LIMCH1: variants seen among roughly 807,000 people sequenced by gnomAD.
The protein encoded by LIMCH1 is LIM and calponin homology domains 1, also known as LIM and calponin homology domains-containing protein 1.
LIMCH1 carries 113 observed loss-of-function variants against 176.5 expected under a neutral mutation model. That is an observed-to-expected ratio of 0.64 (90% CI 0.55 to 0.75). LIMCH1 has a LOEUF of 0.75. Among genes scored for constraint, LIMCH1 ranks in the 30% least tolerant of loss-of-function variants. LIMCH1 has a pLI of 0.00. For missense variants in LIMCH1, 1,674 were observed against 1,814.9 expected (o/e 0.92, Z 1.41); for synonymous variants, 619 against 645.9 (o/e 0.96, Z 0.63).
At chr4:41,472,034 A>T (rs1184483692) in intron 1 of LIMCH1, among the ~76,000 whole-genome samples, 1 of 152,136 alleles carries the variant, frequency 6.6e-6, no homozygotes. Context: ...TAATTCCTTT[A>T]TGGTTTAAAA....
Position 41,598,665 on chromosome 4 carries a change from G to C in LIMCH1, c.-240-255G>C, listed in dbSNP as rs1033793007. The stretch of plus-strand genomic sequence containing the variant: ...CAATGCTAAGTTTTCCTTTTTAATG[G>C]CATTTTACTTGCAGTTTTATACAAA... On this transcript the variant is annotated intron_variant, in intron 1 of 31. Coordinates refer to ENST00000503057, the MANE Select transcript of LIMCH1 (RefSeq NM_001330672.2). 3.9e-5 allele frequency among the ~76,000 whole-genome samples: 6 copies of C among 152,232 alleles called. No homozygotes were observed. The South Asian group carries it at 1.2e-3, about 32-fold the overall frequency.
At chr4:41,684,774 C>T (rs543631845) in intron 27 of LIMCH1, among the ~76,000 whole-genome samples, 1 of 152,148 alleles carries the variant, frequency 6.6e-6, no homozygotes, top group Non-Finnish European at 1.5e-5. Flanking sequence ...AAACCTTTGA[C>T]CTTCATAAGT....
At chr4:41,604,742 C>T (rs1040035916) in intron 3 of LIMCH1, among the ~76,000 whole-genome samples, 4 of 152,052 alleles carry the variant, frequency 2.6e-5, no homozygotes, top group Admixed American at 6.6e-5. Context: ...AATGTCCTGA[C>T]GTTTGAATCT....
At chr4:41,514,005 T>TAAAAAAAAAAAAAAAAAAAAA (rs71198665) in intron 2 of LIMCH1, among the ~76,000 whole-genome samples, 1 of 48,526 alleles carries the variant, frequency 2.1e-5, no homozygotes, top group Non-Finnish European at 3.9e-5. Context: ...GACTCCGTCT[T>TAAAAAAAAAAAAAAAAAAAAA]AAAAAAAAAA....
chr4:41,457,191 A>G (rs941946645), intron 1 of LIMCH1, among the ~76,000 whole-genome samples: 1 of 152,214 alleles, frequency 6.6e-6, no homozygotes, highest in African/African-American at 2.4e-5. Flanking sequence ...TCTGAAATAT[A>G]TACCTTAATT....
intron 1 of LIMCH1, among the ~76,000 whole-genome samples, chr4:41,416,456 A>G (rs979827249): frequency 1.4e-4 from 22 of 151,974 alleles, no homozygotes; most frequent in Non-Finnish European, 1.5e-5. Context: ...ATTTGAGACC[A>G]GCCTGGCCAA....
At chr4:41,629,295 C>T (rs1456572097) in intron 8 of LIMCH1, among the ~76,000 whole-genome samples, 197 bp from the exon 9 acceptor site, 1 of 152,160 alleles carries the variant, frequency 6.6e-6, no homozygotes, top group Admixed American at 6.5e-5. Flanking sequence ...CTGTCTCATT[C>T]AGAGTTGTAA....
intron 1 of LIMCH1, among the ~76,000 whole-genome samples, chr4:41,581,078 C>T (rs1165304657): frequency 7.4e-6 from 1 of 135,298 alleles, no homozygotes; most frequent in African/African-American, 3.8e-5. Context: ...AGAAGGAAAA[C>T]TGTCTGTCTG....
chr4:41,652,140 G>A (rs907964743), intron 18 of LIMCH1, among the ~76,000 whole-genome samples: 6 of 152,162 alleles, frequency 3.9e-5, no homozygotes, highest in African/African-American at 9.7e-5. Flanking sequence ...AACTTCTTCC[G>A]GCACCAAGGG....
At chr4:41,390,313 C>T (rs888997525) in intron 1 of LIMCH1, among the ~76,000 whole-genome samples, 3 of 151,914 alleles carry the variant, frequency 2.0e-5, no homozygotes, top group Admixed American at 6.6e-5. Context: ...CTCTGCCTCC[C>T]TGGAATTCCG....
chr4:41,661,080 G>A (rs1268582218), intron 18 of LIMCH1, among the ~76,000 whole-genome samples: 1 of 146,460 alleles, frequency 6.8e-6, no homozygotes, highest in African/African-American at 2.6e-5. Context: ...AGACTTCACT[G>A]GTGTTATGAC....
intron 1 of LIMCH1, among the ~76,000 whole-genome samples, chr4:41,590,505 T>C (rs1330364638): frequency 1.3e-5 from 2 of 152,166 alleles, no homozygotes; most frequent in African/African-American, 4.8e-5. Flanking sequence ...TCTCATGAGC[T>C]GGTCTGGCTT....
chr4:41,620,436 G>C lies in LIMCH1; in HGVS notation c.471G>C (p.Thr157=). 1 of 1,535,906 alleles carries C rather than the reference G, an allele frequency of 6.5e-7. No individual in the cohort carries two copies. The change falls in exon 7 of 32, where the codon ACG becomes ACC. Residue 157 remains threonine, a synonymous_variant. Transcript: ENST00000503057. ...GGERPFSFPE[T]IEEEGSEVGS... ...TCCAACTCACTAGCTTTCCTGAAAC[G>C]ATAGAGGAAGAGGGGAGTGAAGTGG...
chr4:41,423,874 G>A (rs2060842207), intron 1 of LIMCH1, among the ~76,000 whole-genome samples: 1 of 152,044 alleles, frequency 6.6e-6, no homozygotes, highest in Admixed American at 6.5e-5. Context: ...GAAGGGAAAG[G>A]TGGGTTGGGG....
At position 41,460,478 on chromosome 4, in the gene LIMCH1, A is replaced by ATATC. The variant is rs1410622782; in HGVS notation, c.97-34057_97-34056insATCT. 2.1e-5 allele frequency among the ~76,000 whole-genome samples: 3 copies of ATATC among 145,080 alleles called. 1 individual carries two copies. Among genetic ancestry groups the ATATC allele is most frequent in the African/African-American group, 7.7e-5 (3 of 38,804 alleles). ...ATCATCTATATATATATATATATATATCTTATAATATCATGTTATAGATCT... is the reference window on the plus strand; with the variant it reads ...ATCATCTATATATATATATATATATATATCTCTTATAATATCATGTTATAGATCT... On this transcript the variant is annotated intron_variant, in intron 1 of 26. Coordinates refer to the LIMCH1 transcript ENST00000313860.
chr4:41,411,825 G>A (rs1435917636), intron 1 of LIMCH1, among the ~76,000 whole-genome samples: 1 of 151,836 alleles, frequency 6.6e-6, no homozygotes. Flanking sequence ...CGGCGTGGTG[G>A]CAGGTGCCTG....
At chr4:41,641,831 G>A (rs1377491897) in intron 14 of LIMCH1, among the ~76,000 whole-genome samples, 1 of 152,196 alleles carries the variant, frequency 6.6e-6, no homozygotes, top group Admixed American at 6.5e-5. Flanking sequence ...TTGGATTAGG[G>A]ATGTTCAACC....
At chr4:41,441,613 T>C (rs2062711825) in intron 1 of LIMCH1, among the ~76,000 whole-genome samples, 1 of 152,232 alleles carries the variant, frequency 6.6e-6, no homozygotes, top group South Asian at 2.1e-4. Context: ...ACAGGATCTT[T>C]CACAGATATT....
At chr4:41,428,288 T>C (rs1300151185) in intron 1 of LIMCH1, among the ~76,000 whole-genome samples, 1 of 152,214 alleles carries the variant, frequency 6.6e-6, no homozygotes, top group Non-Finnish European at 1.5e-5. Context: ...TTAACCTCAC[T>C]GTCCCTCATC....
Sources: gnomAD v4.1 joint callset for allele counts (sites outside exome capture counted in the v4.1 genomes callset) on GRCh38, gnomAD v4.1.1 for gene constraint, MANE v1.5 for transcripts, NCBI Gene and HGNC (gene_info 2026-07-23, HGNC 2026-07-21) for gene names.